UGDH: variants seen among roughly 807,000 people sequenced by gnomAD.
The protein encoded by UGDH is UDP-Glc dehydrogenase.
Under a neutral mutation model 50.6 loss-of-function variants are expected in UGDH, and 38 were observed. The observed-to-expected ratio is 0.75, with a 90% confidence interval of 0.58 to 0.98. The LOEUF (loss-of-function observed/expected upper bound fraction) is 0.98, where lower values mean the gene tolerates loss of function less well. Among genes scored for constraint, UGDH ranks in the 50% least tolerant of loss-of-function variants. The pLI is 0.00. For synonymous variants in UGDH, 168 were observed against 199.9 expected, an observed-to-expected ratio of 0.84 and a Z score of 1.35; for missense variants, 465 against 606.2, an observed-to-expected ratio of 0.77 and a Z score of 2.45.
chr4:39,521,262 T>C (rs965838490), intron 2 of UGDH, 89 bp downstream of exon 2: 35 of 1,305,292 alleles, frequency 2.7e-5, no homozygotes, highest in Non-Finnish European at 3.3e-5. Flanking sequence ...GTTGCTGTTA[T>C]AGATTTTTAT....
At chr4:39,500,661 T>TTC in intron 11 of UGDH, among the ~76,000 whole-genome samples, 1 of 151,650 alleles carries the variant, frequency 6.6e-6, no homozygotes, top group East Asian at 1.9e-4. Flanking sequence ...CTCTTTTTTT[T>TTC]TTTTTTTTTT....
At chr4:39,524,030 T>C (rs2109950365) in intron 1 of UGDH, among the ~76,000 whole-genome samples, 1 of 152,268 alleles carries the variant, frequency 6.6e-6, no homozygotes, top group Admixed American at 6.5e-5. Flanking sequence ...CTAAATTCAA[T>C]AGAATACCAT....
At chr4:39,520,660 T>A (rs897904198) in intron 2 of UGDH, among the ~76,000 whole-genome samples, 55 of 151,848 alleles carry the variant, frequency 3.6e-4, no homozygotes, top group African/African-American at 1.3e-3. Flanking sequence ...AGTAAAATAA[T>A]CCAAAAATAT....
Position 39,521,415 on chromosome 4 carries a change from G to T in UGDH, c.98C>A (p.Thr33Lys), listed in dbSNP as rs145763615. The change falls in exon 2 of 12, where the codon ACG becomes AAG. Residue 33 changes from threonine to lysine, a missense_variant. Transcript: ENST00000316423. Reference sequence around the variant, plus strand: ...TCTTGATTCATTGACATCAACAACCGTTACCCTGATTTCAGGACACATATG... The same window carrying T: ...TCTTGATTCATTGACATCAACAACCTTTACCCTGATTTCAGGACACATATG... ...IAHMCPEIRV[T>K]VVDVNESRIN... 3.1e-6 allele frequency: 5 copies of T among 1,613,172 alleles called. No homozygotes were observed. Among genetic ancestry groups the T allele is most frequent in the Non-Finnish European group, 4.2e-6 (5 of 1,179,664 alleles).
chr4:39,523,936 T>C (rs922481510), intron 1 of UGDH, among the ~76,000 whole-genome samples: 3 of 152,230 alleles, frequency 2.0e-5, no homozygotes, highest in Non-Finnish European at 4.4e-5. Flanking sequence ...TCCCCTACTT[T>C]GCTTCCACAC....
intron 2 of UGDH, among the ~76,000 whole-genome samples, chr4:39,518,943 G>A (rs1405890480): frequency 1.3e-5 from 2 of 152,282 alleles, no homozygotes; most frequent in Admixed American, 1.3e-4. Flanking sequence ...TGGAGACAGA[G>A]TTTCATTCTG....
intron 3 of UGDH, among the ~76,000 whole-genome samples, chr4:39,513,531 C>CTTTTT (rs10707997): frequency 4.0e-4 from 35 of 88,000 alleles, no homozygotes; most frequent in Non-Finnish European, 5.3e-4. Flanking sequence ...TTTCCTAGTT[C>CTTTTT]TTTTTTTTTT....
At chr4:39,501,240 A>G (rs1414255560) in intron 11 of UGDH, among the ~76,000 whole-genome samples, 1 of 149,944 alleles carries the variant, frequency 6.7e-6, no homozygotes, top group African/African-American at 2.5e-5. Flanking sequence ...TGCTGGTATT[A>G]CAGGCGTGAG....
chr4:39,522,447 C>G (rs1030411030), intron 1 of UGDH, among the ~76,000 whole-genome samples: 1 of 152,146 alleles, frequency 6.6e-6, no homozygotes, highest in Non-Finnish European at 1.5e-5. Flanking sequence ...TTAGTATACT[C>G]CTGTATGGAT....
rs1000621202 is a variant in UGDH at position 39,498,876 on chromosome 4, G to A, written c.*1267C>T. The stretch of plus-strand genomic sequence containing the variant: ...GCAAAATTCCTGAAGGATGAGACCT[G>A]GGATGTTTAATGCAAACTGTACATT... On this transcript the variant is annotated 3_prime_UTR_variant, in exon 12 of 12. Transcript: ENST00000316423. 2 of 152,070 alleles carry A rather than the reference G, an allele frequency of 1.3e-5. No individual in the cohort carries two copies. The highest frequency in any genetic ancestry group is 1.9e-4 in the East Asian group (1 of 5,198). The allele number at this position is 152,070 out of a possible 1,614,324, so 9.4% of individuals were successfully genotyped here. A position where few individuals can be genotyped will look rare whatever the true frequency, so the allele number is the denominator to read the frequency against.
intron 3 of UGDH, among the ~76,000 whole-genome samples, chr4:39,512,055 G>A (rs1022956151): frequency 2.0e-5 from 3 of 150,924 alleles, no homozygotes; most frequent in African/African-American, 7.3e-5. Flanking sequence ...TGGGCCCAGA[G>A]TCTAGGCATT....
intron 11 of UGDH, among the ~76,000 whole-genome samples, chr4:39,500,873 C>T (rs577033711): frequency 3.3e-5 from 5 of 152,122 alleles, no homozygotes; most frequent in Admixed American, 2.6e-4. Context: ...AGGCTGGTCT[C>T]GAACTCCTGA....
rs770329289 is a variant in UGDH at position 39,514,101 on chromosome 4, A to T, written c.246T>A (p.Ala82=). The T allele has an allele frequency of 1.9e-6, 3 of 1,590,646 alleles. No individual in the cohort carries two copies. Among genetic ancestry groups the T allele is most frequent in the Non-Finnish European group, 8.5e-7 (1 of 1,173,222 alleles). Residue 82 remains alanine (A), a synonymous_variant, in exon 3 of 12, where the codon GCT becomes GCA. Transcript: ENST00000316423. ...STNIDDAIKE[A]DLVFISVNTP... is the part of the protein sequence containing the mutation. ...TACTTACAGAAATAAATACAAGATCAGCTTCTTTGATGGCATCATCAATAT... is the reference window on the plus strand; with the variant it reads ...TACTTACAGAAATAAATACAAGATCTGCTTCTTTGATGGCATCATCAATAT...
intron 2 of UGDH, among the ~76,000 whole-genome samples, 155 bp downstream of exon 2, chr4:39,521,196 G>T (rs893362325): frequency 6.6e-6 from 1 of 151,694 alleles, no homozygotes; most frequent in South Asian, 2.1e-4. Flanking sequence ...CCGAAGTAAT[G>T]TGTTTTAATG....
At chr4:39,514,276 G>A (rs1344892265) in intron 2 of UGDH, 92 bp from the exon 3 acceptor site, 1 of 1,018,760 alleles carries the variant, frequency 9.8e-7, no homozygotes, top group African/African-American at 1.6e-5. Context: ...TAAAGGGCAT[G>A]GTAATATTGT....
At chr4:39,500,290 A>ATTATAAATTCTTACAC in intron 11 of UGDH, 37 bp from the exon 12 acceptor site, 2 of 1,314,678 alleles carry the variant, frequency 1.5e-6, no homozygotes, top group Non-Finnish European at 2.1e-6. Context: ...ACTATTAACA[A>ATTATAAATTCTTACAC]TTATATAAGT....
chr4:39,501,348 CA>C (rs1325730015), intron 11 of UGDH, among the ~76,000 whole-genome samples: 1 of 150,644 alleles, frequency 6.6e-6, no homozygotes, highest in East Asian at 1.9e-4. Context: ...GATCTCGGCT[CA>C]CTGCAAGCTC....
intron 7 of UGDH, among the ~76,000 whole-genome samples, chr4:39,506,310 T>C (rs1746023727): frequency 6.6e-6 from 1 of 151,132 alleles, no homozygotes; most frequent in South Asian, 2.1e-4. Flanking sequence ...CTAGGATGGA[T>C]GCCAAAAGTG....
chr4:39,506,685 CTTT>C (rs937879061), intron 7 of UGDH, among the ~76,000 whole-genome samples: 16 of 152,230 alleles, frequency 1.1e-4, no homozygotes, highest in Admixed American at 7.2e-4. Flanking sequence ...GCAAAAGAAA[CTTT>C]TTTAAGGCTT....
Sources: gnomAD v4.1 joint callset for allele counts (sites outside exome capture counted in the v4.1 genomes callset) on GRCh38, gnomAD v4.1.1 for gene constraint, MANE v1.5 for transcripts, NCBI Gene and HGNC (gene_info 2026-07-23, HGNC 2026-07-21) for gene names.